The following GRAMD1C variants were observed in gnomAD, a reference collection of about 807,000 sequenced individuals.
The protein encoded by GRAMD1C is protein Aster-C.
GRAMD1C carries 89 observed loss-of-function variants against 97.8 expected under a neutral mutation model. The ratio of observed to expected loss-of-function variants is 0.91; its 90% CI spans 0.77 to 1.09. The LOEUF is 1.09. GRAMD1C is among the 50% of genes least tolerant of loss of function. The pLI is 0.00. For missense variants in GRAMD1C, 740 were observed against 766.4 expected, an observed-to-expected ratio of 0.97 and a Z score of 0.41; for synonymous variants, 256 against 267.0, an observed-to-expected ratio of 0.96 and a Z score of 0.40.
chr3:113,935,501 TACACAC>T (rs918077510), intron 13 of GRAMD1C, among the ~76,000 whole-genome samples: 1 of 105,594 alleles, frequency 9.5e-6, no homozygotes, highest in African/African-American at 3.0e-5. Flanking sequence ...TATATATATA[TACACAC>T]ACACACACAC....
At chr3:113,907,830 CAA>C (rs1936424582) in intron 8 of GRAMD1C, among the ~76,000 whole-genome samples, 1 of 152,096 alleles carries the variant, frequency 6.6e-6, no homozygotes, top group African/African-American at 2.4e-5. Flanking sequence ...TAATTTGCAA[CAA>C]GAGGAGACGT....
chr3:113,897,861 T>A, intron 6 of GRAMD1C: 1 of 407,490 alleles, frequency 2.5e-6, no homozygotes, highest in Non-Finnish European at 3.3e-6. Context: ...TGAAGACTAC[T>A]AAGGTAGATT....
chr3:113,845,758 C>T lies in GRAMD1C; in HGVS notation c.174+1109C>T, dbSNP rs192449848. Among the ~76,000 whole-genome samples, 376 of 152,060 alleles carry T rather than the reference C, an allele frequency of 2.5e-3. 2 individuals carry two copies. The highest frequency in any genetic ancestry group is 3.5e-3 in the Non-Finnish European group (238 of 67,986). The stretch of plus-strand genomic sequence containing the variant: ...ATCTCATCTTTTGAGGATTAGGTAT[C>T]CTTGGTAGCAGATTTTCTTGTAATT... On this transcript the variant is annotated intron_variant, in intron 2 of 17. Transcript: ENST00000358160.
In GRAMD1C at chr3:113,904,123, T is replaced by A; in HGVS notation, c.657-17T>A. ...TGGAGGTGACCTTATATTTCTATAA[T>A]GATGTGTTTCTTACAGAAGTCCAGG... is the stretch of plus-strand genomic sequence containing the variant. On this transcript the variant is annotated splice_polypyrimidine_tract_variant and intron_variant, in intron 7 of 17. Transcript: ENST00000358160. 6.3e-7 allele frequency: 1 copy of A among 1,598,048 alleles called. No homozygotes were observed. Among genetic ancestry groups the A allele is most frequent in the Non-Finnish European group, 8.6e-7 (1 of 1,166,926 alleles).
chr3:113,840,829 TGTGA>T (rs1272509491), intron 1 of GRAMD1C, among the ~76,000 whole-genome samples: 1 of 152,206 alleles, frequency 6.6e-6, no homozygotes, highest in Non-Finnish European at 1.5e-5. Flanking sequence ...TGAGCTCCTT[TGTGA>T]GTATGTCAAA....
chr3:113,939,996 A>G lies in GRAMD1C; in HGVS notation c.1802A>G (p.Asn601Ser). The G allele has an allele frequency of 6.7e-7, 1 of 1,503,150 alleles. No individual in the cohort carries two copies. Among genetic ancestry groups the G allele is most frequent in the Non-Finnish European group, 9.3e-7 (1 of 1,078,826 alleles). The allele number at this position is 1,503,150 out of a possible 1,614,324, so 93.1% of individuals were successfully genotyped here. A position where few individuals can be genotyped will look rare whatever the true frequency, so the allele number is the denominator to read the frequency against. Residue 601 changes from asparagine to serine, a missense_variant and splice_region_variant, in exon 16 of 18, where the codon AAT (asparagine) becomes AGT (serine). By Grantham distance (46) the Asn-to-Ser change is conservative. Transcript: ENST00000358160. ...RLRLQEEKSL[N>S]LASDMVSRAE... is the part of the protein sequence containing the mutation. Reference sequence around the variant, plus strand: ...CGCCTCCAAGAAGAGAAATCTTTAAAGTAAGTCTTTTTCCCCCTGACCTGT... The same window carrying G: ...CGCCTCCAAGAAGAGAAATCTTTAAGGTAAGTCTTTTTCCCCCTGACCTGT...
chr3:113,849,530 A>C (rs1933770509), intron 2 of GRAMD1C, among the ~76,000 whole-genome samples: 2 of 151,762 alleles, frequency 1.3e-5, no homozygotes, highest in Admixed American at 1.3e-4. Flanking sequence ...CATCTGTTTA[A>C]CAAAGCACAT....
chr3:113,855,138 C>G (rs932346466), intron 2 of GRAMD1C, among the ~76,000 whole-genome samples: 3 of 151,996 alleles, frequency 2.0e-5, no homozygotes, highest in African/African-American at 7.3e-5. Flanking sequence ...ATGGAGAAAC[C>G]CTGTCTCTAC....
In GRAMD1C at chr3:113,936,247, T is replaced by C. The variant is rs1204041522; in HGVS notation, c.1457-19T>C. Reference sequence around the variant, plus strand: ...AGGAGCTTTCCTCACTATATAAAGATTGTTTTTTTTTTTCTTAGAATCAGA... The same window carrying C: ...AGGAGCTTTCCTCACTATATAAAGACTGTTTTTTTTTTTCTTAGAATCAGA... On this transcript the variant is annotated intron_variant, in intron 13 of 17. Transcript: ENST00000358160. 6 of 1,438,000 alleles carry C rather than the reference T, an allele frequency of 4.2e-6. No homozygotes were observed. Among genetic ancestry groups the C allele is most frequent in the Non-Finnish European group, 5.8e-6 (6 of 1,035,696 alleles). The allele number at this position is 1,438,000 out of a possible 1,614,324, so 89.1% of individuals were successfully genotyped here. A position where few individuals can be genotyped will look rare whatever the true frequency, so the allele number is the denominator to read the frequency against.
intron 17 of GRAMD1C, among the ~76,000 whole-genome samples, chr3:113,942,156 T>C (rs548251078): frequency 6.8e-6 from 1 of 148,114 alleles, no homozygotes; most frequent in Non-Finnish European, 1.5e-5. Flanking sequence ...TCAGCAGATC[T>C]ACCTGCCTTG....
chr3:113,885,706 A>G (rs528522516), intron 6 of GRAMD1C: 55 of 1,534,748 alleles, frequency 3.6e-5, no homozygotes, highest in Non-Finnish European at 4.4e-5. Flanking sequence ...ATGGAGATCT[A>G]TGGCTTTGCT....
chr3:113,924,054 G>C (rs2107353934), intron 10 of GRAMD1C, among the ~76,000 whole-genome samples: 1 of 143,350 alleles, frequency 7.0e-6, no homozygotes, highest in Non-Finnish European at 1.5e-5. Context: ...AGGTTTTCTA[G>C]TTTTTGTGCA....
intron 9 of GRAMD1C, among the ~76,000 whole-genome samples, chr3:113,911,171 G>GACACACACACACACACACACACAC (rs760223728): frequency 2.1e-3 from 11 of 5,226 alleles, no homozygotes; most frequent in Admixed American, 0.014. Context: ...AACAGAGAGA[G>GACACACACACACACACACACACAC]AGACACACAC....
At position 113,884,852 on chromosome 3, in the gene GRAMD1C, A is replaced by G. The variant is rs188710220; in HGVS notation, c.540+2020A>G. On this transcript the variant is annotated intron_variant, in intron 6 of 17. Coordinates refer to ENST00000358160, the MANE Select transcript of GRAMD1C (RefSeq NM_017577.5). ...ACTCTGTCTCAAAAAAAAGAAAAAA[A>G]AAAAGAAAAAAGAGAGAGGCGCAGC... Among the ~76,000 whole-genome samples the G allele has an allele frequency of 2.7e-3, 403 of 150,704 alleles. 5 individuals carry two copies. The highest frequency in any genetic ancestry group is 9.1e-3 in the African/African-American group (373 of 41,144).
chr3:113,889,121 A>C (rs1935619597), intron 6 of GRAMD1C, among the ~76,000 whole-genome samples: 1 of 152,134 alleles, frequency 6.6e-6, no homozygotes, highest in Non-Finnish European at 1.5e-5. Context: ...AATCACTTGA[A>C]CCGGGTAGGC....
upstream of GRAMD1C, among the ~76,000 whole-genome samples, chr3:113,837,595 C>T (rs1297700336): frequency 3.9e-5 from 6 of 152,084 alleles, no homozygotes; most frequent in African/African-American, 1.4e-4. Context: ...TGGTTGAAAG[C>T]GTTATTATTG....
chr3:113,860,566 T>A lies in GRAMD1C; in HGVS notation c.175-8941T>A, dbSNP rs561530474. Among the ~76,000 whole-genome samples the A allele has an allele frequency of 4.6e-5, 7 of 152,276 alleles. No homozygotes were observed. In the South Asian group the frequency reaches 1.0e-3, roughly 23 times the overall value. ...CTATGGATATGCAAAGGACCCAGAATAGCCAAAATAATCTTGAAAAAGAAT... is the reference window on the plus strand; with the variant it reads ...CTATGGATATGCAAAGGACCCAGAAAAGCCAAAATAATCTTGAAAAAGAAT... On this transcript the variant is annotated intron_variant, in intron 2 of 17. Transcript: ENST00000358160.
chr3:113,843,232 G>A (rs1285435191), intron 1 of GRAMD1C, among the ~76,000 whole-genome samples: 1 of 151,542 alleles, frequency 6.6e-6, no homozygotes, highest in Admixed American at 6.6e-5. Flanking sequence ...ATGCCACCAT[G>A]CCAGGCAAAT....
At chr3:113,892,984 CAT>C (rs1214133802) in intron 6 of GRAMD1C, among the ~76,000 whole-genome samples, 2 of 152,066 alleles carry the variant, frequency 1.3e-5, no homozygotes, top group Admixed American at 6.6e-5. Flanking sequence ...TATTTCATGA[CAT>C]GTGGCAATTA....
Sources: allele counts gnomAD v4.1 joint callset (sites outside exome capture counted in the v4.1 genomes callset), GRCh38; gene constraint gnomAD v4.1.1; transcripts MANE v1.5; gene names NCBI Gene and HGNC (gene_info 2026-07-23, HGNC 2026-07-21).